The following EYS variants were observed in gnomAD, a reference collection of about 807,000 sequenced individuals.
EYS encodes EGF-like photoreceptor maintenance factor, also known as protein eyes shut homolog.
EYS carries 250 observed loss-of-function variants against 282.1 expected under a neutral mutation model. The ratio of observed to expected loss-of-function variants is 0.89; its 90% confidence interval spans 0.80 to 0.98. The LOEUF (loss-of-function observed/expected upper bound fraction) is 0.98, where lower values mean the gene tolerates loss of function less well. EYS is among the 50% of genes least tolerant of loss of function. The pLI is 0.00. For synonymous variants in EYS, 1,355 were observed against 1,282.9 expected (o/e 1.06, Z -1.20); for missense variants, 4,016 against 3,709.0 (o/e 1.08, Z -2.15).
chr6:64,566,856 C>T (rs1197387385), intron 26 of EYS, among the ~76,000 whole-genome samples: 1 of 152,122 alleles, frequency 6.6e-6, no homozygotes, highest in Non-Finnish European at 1.5e-5. Context: ...TCGCTGAAAC[C>T]TCCACCTCCA....
intron 11 of EYS, among the ~76,000 whole-genome samples, chr6:65,306,484 C>T (rs1365494518): frequency 6.6e-6 from 1 of 152,026 alleles, no homozygotes; most frequent in East Asian, 1.9e-4. Flanking sequence ...CTACTTATTT[C>T]GCTTTTGGAA....
intron 2 of EYS, among the ~76,000 whole-genome samples, chr6:65,516,050 A>T (rs1582403605): frequency 6.6e-6 from 1 of 151,998 alleles, no homozygotes; most frequent in African/African-American, 2.4e-5. Flanking sequence ...TATTTATAGA[A>T]TAGCTAAATA....
chr6:64,342,377 C>CTGT (rs1771154301), intron 29 of EYS, among the ~76,000 whole-genome samples: 1 of 151,912 alleles, frequency 6.6e-6, no homozygotes, highest in African/African-American at 2.4e-5. Context: ...TCCACAGAAA[C>CTGT]TCTACAAGCC....
chr6:65,317,825 C>CCTTCCTTCCTTCTTTCCTTT (rs1562092985), intron 11 of EYS, among the ~76,000 whole-genome samples: 1 of 81,258 alleles, frequency 1.2e-5, no homozygotes, highest in African/African-American at 5.2e-5. Context: ...TTCCTTCCTT[C>CCTTCCTTCCTTCTTTCCTTT]CTTTCTTTCT....
At chr6:63,731,636 T>A (rs1472573813) in intron 41 of EYS, among the ~76,000 whole-genome samples, 1 of 152,210 alleles carries the variant, frequency 6.6e-6, no homozygotes, top group Non-Finnish European at 1.5e-5. Flanking sequence ...ATTCTATATT[T>A]TTTTACCATA....
At chr6:64,617,334 T>A (rs1767305834) in intron 24 of EYS, 84 bp downstream of exon 24, 1 of 901,472 alleles carries the variant, frequency 1.1e-6, no homozygotes, top group East Asian at 2.7e-5. Flanking sequence ...CCGACCTTAT[T>A]TTTCACCATA....
At chr6:65,534,607 T>G (rs1334439413) in intron 2 of EYS, among the ~76,000 whole-genome samples, 2 of 152,064 alleles carry the variant, frequency 1.3e-5, no homozygotes, top group Non-Finnish European at 2.9e-5. Context: ...TGCGTCTGCT[T>G]GCAACTTAGG....
chr6:65,220,265 C>T (rs947594392), intron 12 of EYS, among the ~76,000 whole-genome samples: 3 of 151,932 alleles, frequency 2.0e-5, no homozygotes, highest in Admixed American at 2.0e-4. Flanking sequence ...AAAAAATTCA[C>T]TCTTCATTAG....
chr6:64,582,511 A>G (rs1023918911), intron 26 of EYS, among the ~76,000 whole-genome samples: 1 of 151,902 alleles, frequency 6.6e-6, no homozygotes, highest in Non-Finnish European at 1.5e-5. Context: ...GCTGTGTTCC[A>G]GTAAAATTGT....
At chr6:64,606,154 T>A (rs1766927120) in intron 24 of EYS, among the ~76,000 whole-genome samples, 1 of 151,968 alleles carries the variant, frequency 6.6e-6, no homozygotes, top group Admixed American at 6.6e-5. Flanking sequence ...GTTGTTAGAA[T>A]CTAAGTTCAA....
At chr6:65,605,431 A>T (rs1765752387) in intron 2 of EYS, among the ~76,000 whole-genome samples, 1 of 151,960 alleles carries the variant, frequency 6.6e-6, no homozygotes, top group Admixed American at 6.6e-5. Flanking sequence ...GGGTGTTGAG[A>T]ATTATATACA....
chr6:64,029,856 T>C (rs1005604848), intron 33 of EYS, among the ~76,000 whole-genome samples: 1 of 152,232 alleles, frequency 6.6e-6, no homozygotes, highest in Non-Finnish European at 1.5e-5. Context: ...AGATAGCAAG[T>C]ATGCTTATCT....
chr6:63,760,867 C>T (rs1056470858), intron 41 of EYS, among the ~76,000 whole-genome samples: 1 of 151,972 alleles, frequency 6.6e-6, no homozygotes, highest in Admixed American at 6.6e-5. Flanking sequence ...GTTAAATTCA[C>T]TAGCCCTTAC....
intron 36 of EYS, 41 bp from the exon 37 acceptor site, chr6:63,806,413 A>G (rs1025521794): frequency 2.1e-6 from 3 of 1,460,254 alleles, no homozygotes; most frequent in African/African-American, 1.4e-5. Context: ...ATAAACCTGT[A>G]CATGTATTTG....
At chr6:63,976,273 C>T (rs973305711) in intron 35 of EYS, among the ~76,000 whole-genome samples, 1 of 151,944 alleles carries the variant, frequency 6.6e-6, no homozygotes, top group Non-Finnish European at 1.5e-5. Flanking sequence ...ACTAAATTTA[C>T]AAAAACAAAA....
At chr6:65,627,669 G>A (rs1766760151) in intron 2 of EYS, among the ~76,000 whole-genome samples, 1 of 152,210 alleles carries the variant, frequency 6.6e-6, no homozygotes, top group Admixed American at 6.5e-5. Flanking sequence ...ACCAGGCAAT[G>A]AGGGACTTAG....
intron 40 of EYS, among the ~76,000 whole-genome samples, chr6:63,769,863 A>T (rs1290785162): frequency 1.3e-5 from 2 of 152,064 alleles, no homozygotes; most frequent in African/African-American, 4.8e-5. Context: ...AGAGTTTAGT[A>T]TGAACATGGA....
At chr6:64,823,202 G>A (rs1050751444) in intron 19 of EYS, among the ~76,000 whole-genome samples, 1 of 151,762 alleles carries the variant, frequency 6.6e-6, no homozygotes, top group Non-Finnish European at 1.5e-5. Flanking sequence ...TTAAGAATGA[G>A]TTTGAAGTTT....
intron 26 of EYS, among the ~76,000 whole-genome samples, chr6:64,506,005 T>C (rs1777197086): frequency 6.6e-6 from 1 of 152,174 alleles, no homozygotes; most frequent in Non-Finnish European, 1.5e-5. Flanking sequence ...CCTTTCAACA[T>C]CACCTTCGCA....
Sources: allele counts gnomAD v4.1 joint callset (sites outside exome capture counted in the v4.1 genomes callset), GRCh38; gene constraint gnomAD v4.1.1; transcripts MANE v1.5; gene names NCBI Gene and HGNC (gene_info 2026-07-23, HGNC 2026-07-21).